SUGCT: variants seen among roughly 807,000 people sequenced by gnomAD.
SUGCT encodes the protein succinyl-CoA:glutarate CoA-transferase.
In SUGCT, 41 loss-of-function variants were observed where a neutral mutation model predicts 55.0. The ratio of observed to expected loss-of-function variants is 0.74; its 90% CI spans 0.58 to 0.97. The LOEUF (loss-of-function observed/expected upper bound fraction) is 0.97, where lower values mean the gene tolerates loss of function less well. Ranked by LOEUF, SUGCT falls within the 50% of genes least tolerant of loss-of-function variation. SUGCT has a pLI of 0.00. For missense variants in SUGCT, 568 were observed against 547.8 expected, an observed-to-expected ratio of 1.04 and a Z score of -0.37; for synonymous variants, 187 against 200.4, an observed-to-expected ratio of 0.93 and a Z score of 0.56.
chr7:40,338,960 C>G (rs1259332491), intron 9 of SUGCT, among the ~76,000 whole-genome samples: 2 of 152,210 alleles, frequency 1.3e-5, no homozygotes, highest in Non-Finnish European at 2.9e-5. Context: ...AGTTTTCCTT[C>G]TAACAGTCAG....
chr7:40,254,544 C>T (rs1381057390), intron 7 of SUGCT, among the ~76,000 whole-genome samples: 3 of 151,712 alleles, frequency 2.0e-5, no homozygotes, highest in Non-Finnish European at 2.9e-5. Context: ...ATTACAGGTA[C>T]CACCACACCC....
intron 12 of SUGCT, among the ~76,000 whole-genome samples, chr7:40,509,060 G>A (rs1792778589): frequency 6.6e-6 from 1 of 152,084 alleles, no homozygotes; most frequent in Non-Finnish European, 1.5e-5. Context: ...ACATGGGCCA[G>A]AATCATCCTG....
At chr7:40,300,069 A>G (rs898952878) in intron 8 of SUGCT, among the ~76,000 whole-genome samples, 4 of 152,222 alleles carry the variant, frequency 2.6e-5, no homozygotes, top group Non-Finnish European at 1.5e-5. Flanking sequence ...TATTGAAATT[A>G]TAAAATTGTT....
At chr7:40,913,191 T>C in the SUGCT span, among the ~76,000 whole-genome samples, 1 of 152,000 alleles carries the variant, frequency 6.6e-6, no homozygotes, top group East Asian at 1.9e-4. Flanking sequence ...TTTGTACTTT[T>C]AGTAGAGACG....
At chr7:40,822,716 C>A (rs538377702) in intron 13 of SUGCT, among the ~76,000 whole-genome samples, 1 of 152,242 alleles carries the variant, frequency 6.6e-6, no homozygotes, top group East Asian at 1.9e-4. Flanking sequence ...TTACCTTACT[C>A]ACACGTACAC....
intron 13 of SUGCT, among the ~76,000 whole-genome samples, chr7:40,858,196 G>T (rs2128807382): frequency 6.6e-6 from 1 of 152,114 alleles, no homozygotes; most frequent in Non-Finnish European, 1.5e-5. Context: ...CTTAAGAAAT[G>T]GTAGCTGGGC....
At chr7:40,237,804 A>T (rs1320991557) in intron 7 of SUGCT, 78 bp downstream of exon 7, 5 of 1,178,748 alleles carry the variant, frequency 4.2e-6, no homozygotes, top group Non-Finnish European at 6.2e-6. Context: ...ACTAACCCAT[A>T]GGATTAAATG....
intron 12 of SUGCT, among the ~76,000 whole-genome samples, chr7:40,716,854 A>G (rs982272873): frequency 6.6e-6 from 1 of 152,144 alleles, no homozygotes; most frequent in African/African-American, 2.4e-5. Context: ...CATTATAAGT[A>G]TCAATGAGAA....
intron 7 of SUGCT, among the ~76,000 whole-genome samples, chr7:40,244,924 A>T (rs1789717517): frequency 6.6e-6 from 1 of 151,992 alleles, no homozygotes; most frequent in African/African-American, 2.4e-5. Flanking sequence ...CCACAATATA[A>T]ATCTCCTTTC....
At chr7:40,508,551 G>A (rs912532263) in intron 12 of SUGCT, among the ~76,000 whole-genome samples, 1 of 152,158 alleles carries the variant, frequency 6.6e-6, no homozygotes, top group African/African-American at 2.4e-5. Flanking sequence ...GTAATGCAGA[G>A]GTGTAGAGCT....
At chr7:40,811,621 GT>G (rs1445974351) in intron 13 of SUGCT, among the ~76,000 whole-genome samples, 5 of 152,018 alleles carry the variant, frequency 3.3e-5, no homozygotes, top group Non-Finnish European at 7.4e-5. Context: ...TGGATTTTGT[GT>G]CCTGAAACTT....
At chr7:40,181,869 G>A in intron 2 of SUGCT, 86 bp from the exon 3 acceptor site, 3 of 820,356 alleles carry the variant, frequency 3.7e-6, no homozygotes, top group Non-Finnish European at 6.0e-6. Flanking sequence ...ATATGAGCGT[G>A]TCTGTGTTGA....
the SUGCT span, among the ~76,000 whole-genome samples, chr7:40,987,064 A>G: frequency 1.3e-5 from 2 of 152,222 alleles, no homozygotes; most frequent in East Asian, 1.9e-4. Context: ...TCTAGTTCCC[A>G]TAATGATGGT....
At chr7:40,254,944 C>T (rs937223861) in intron 7 of SUGCT, among the ~76,000 whole-genome samples, 7 of 151,396 alleles carry the variant, frequency 4.6e-5, no homozygotes, top group Non-Finnish European at 7.4e-5. Context: ...GTTGGCTGGG[C>T]GCGGTGGCTC....
chr7:40,490,079 G>T (rs1791599283), intron 11 of SUGCT, among the ~76,000 whole-genome samples: 1 of 152,172 alleles, frequency 6.6e-6, no homozygotes, highest in South Asian at 2.1e-4. Flanking sequence ...TGCCACCCAG[G>T]CTTGAGTTCC....
intron 11 of SUGCT, among the ~76,000 whole-genome samples, chr7:40,469,721 G>GTTT (rs11369335): frequency 6.7e-6 from 1 of 149,746 alleles, no homozygotes; most frequent in African/African-American, 2.4e-5. Context: ...TGTCATCTCA[G>GTTT]TTTTTTTTTT....
At chr7:40,595,592 G>T (rs1056035501) in intron 12 of SUGCT, among the ~76,000 whole-genome samples, 5 of 151,562 alleles carry the variant, frequency 3.3e-5, no homozygotes, top group Admixed American at 6.6e-5. Context: ...TATCTCAATG[G>T]CTACTAAATA....
Position 40,364,013 on chromosome 7 carries a change from A to G in SUGCT, c.816+47158A>G, listed in dbSNP as rs575007791. Among the ~76,000 whole-genome samples, 9 of 151,790 alleles carry G rather than the reference A, an allele frequency of 5.9e-5. No homozygotes were observed. In the South Asian group the frequency reaches 1.9e-3, roughly 32 times the overall value. ...CTGGGTGCTCCTGTATTGGGTGCAT[A>G]TATATTTAGGATAGTTAGCTCTTCT... is the stretch of plus-strand genomic sequence containing the variant. On this transcript the variant is annotated intron_variant, in intron 9 of 13. Coordinates refer to ENST00000335693, the MANE Select transcript of SUGCT (RefSeq NM_001193313.2).
At chr7:40,771,760 A>C (rs1789116025) in intron 13 of SUGCT, among the ~76,000 whole-genome samples, 1 of 152,226 alleles carries the variant, frequency 6.6e-6, no homozygotes, top group African/African-American at 2.4e-5. Context: ...GCTCTTAAAA[A>C]CATGTAATCT....
Sources: gnomAD v4.1 joint callset for allele counts (sites outside exome capture counted in the v4.1 genomes callset) on GRCh38, gnomAD v4.1.1 for gene constraint, MANE v1.5 for transcripts, NCBI Gene and HGNC (gene_info 2026-07-23, HGNC 2026-07-21) for gene names.